The following CFHR3 variants were observed in gnomAD, a reference collection of about 807,000 sequenced individuals.
CFHR3 encodes complement factor H-related protein 3.
CFHR3 carries 22 observed loss-of-function variants against 36.0 expected under a neutral mutation model. The ratio of observed to expected loss-of-function variants is 0.61; its 90% CI spans 0.44 to 0.87. The LOEUF (loss-of-function observed/expected upper bound fraction) is 0.87. CFHR3 is among the 40% of genes least tolerant of loss of function. The pLI, the probability that CFHR3 is intolerant of heterozygous loss-of-function variation, is 0.00. For synonymous variants in CFHR3, 97 were observed against 137.4 expected (o/e 0.71, Z 2.06); for missense variants, 276 against 401.3 (o/e 0.69, Z 2.67).
At position 196,794,149 on chromosome 1, in the gene CFHR3, T is replaced by A. The variant is rs1286110175; in HGVS notation, c.*636T>A. ...CCAGAAGTGCATTAAATGTATATATTAACTTGGGCAATGTTGACACTTTAG... is the reference window on the plus strand; with the variant it reads ...CCAGAAGTGCATTAAATGTATATATAAACTTGGGCAATGTTGACACTTTAG... On this transcript the variant is annotated 3_prime_UTR_variant, in exon 6 of 6. Transcript: ENST00000367425. 1.4e-5 allele frequency: 2 copies of A among 145,992 alleles called. No homozygotes were observed. Among genetic ancestry groups the A allele is most frequent in the African/African-American group, 3.0e-5 (1 of 32,920 alleles). The allele number at this position is 145,992 out of a possible 1,614,324, so 9.0% of individuals were successfully genotyped here. A position where few individuals can be genotyped will look rare whatever the true frequency, so the allele number is the denominator to read the frequency against.
rs1654386484 is a variant in CFHR3, at chr1:196,790,588, C to A, written c.796+361C>A. 1.5e-5 allele frequency among the ~76,000 whole-genome samples: 2 copies of A among 135,130 alleles called. 1 individual carries two copies. Among genetic ancestry groups the A allele is most frequent in the South Asian group, 5.2e-4 (2 of 3,876 alleles). 88.7% of individuals were successfully genotyped at this position (135,130 alleles called of 152,430 possible). The stretch of plus-strand genomic sequence containing the variant: ...AAAATACAAAAATTAGCCAGGCATG[C>A]TGGCATATGCCTGTAATCCCAGCTA... On this transcript the variant is annotated intron_variant, in intron 5 of 5. Transcript: ENST00000367425.
At chr1:196,778,054 T>C (rs378940) in intron 1 of CFHR3, among the ~76,000 whole-genome samples, 39,609 of 131,362 alleles carry the variant, frequency 0.3, 11,628 homozygotes, top group East Asian at 0.53. Context: ...CCCTTTCTTC[T>C]TCAGACTAAA....
intron 3 of CFHR3, among the ~76,000 whole-genome samples, chr1:196,781,722 G>A (rs1488719960): frequency 7.5e-6 from 1 of 134,010 alleles, no homozygotes; most frequent in Non-Finnish European, 1.6e-5. Context: ...AGATGAGTAG[G>A]TTGCAAAAAT....
rs398771 is a variant in CFHR3 at position 196,793,127 on chromosome 1, T to C, written c.797-190T>C. On this transcript the variant is annotated intron_variant, in intron 5 of 5. Transcript: ENST00000367425. ...CCTCACCTGATGATCTCTGCTGTGATGTTGGGGAAGTGCAACTGAACTTAT... is the reference window on the plus strand; with the variant it reads ...CCTCACCTGATGATCTCTGCTGTGACGTTGGGGAAGTGCAACTGAACTTAT... 0.27 allele frequency among the ~76,000 whole-genome samples: 35,659 copies of C among 133,332 alleles called. 9,785 individuals carry two copies. Among genetic ancestry groups the C allele is most frequent in the East Asian group, 0.5 (2,535 of 5,032 alleles). 87.5% of individuals were successfully genotyped at this position (133,332 alleles called of 152,430 possible).
rs1489850330 is a variant in CFHR3, at chr1:196,775,084, G to A, written c.58+140G>A. On this transcript the variant is annotated intron_variant, in intron 1 of 5. Transcript: ENST00000367425. ...CTAGTAGAAGTGACATATTTTGTGA[G>A]AGTATAACAGAAATTAATTTTATAA... The A allele has an allele frequency of 1.0e-5, 7 of 686,906 alleles. 1 individual carries two copies. Among genetic ancestry groups the A allele is most frequent in the Admixed American group, 5.9e-5 (2 of 34,136 alleles). The allele number at this position is 686,906 out of a possible 1,614,324, so 42.6% of individuals were successfully genotyped here. A position where few individuals can be genotyped will look rare whatever the true frequency, so the allele number is the denominator to read the frequency against.
intron 1 of CFHR3, among the ~76,000 whole-genome samples, chr1:196,778,742 T>C (rs1558196316): frequency 7.3e-6 from 1 of 136,740 alleles, no homozygotes; most frequent in Non-Finnish European, 1.5e-5. Flanking sequence ...TTGTTTCTCT[T>C]TTCCAAAAAA....
rs1478732127 is a variant in CFHR3, at chr1:196,775,061, A to G, written c.58+117A>G. The stretch of plus-strand genomic sequence containing the variant: ...TCAAAGAGGATTTATTCACTATGCT[A>G]GTAGAAGTGACATATTTTGTGAGAG... On this transcript the variant is annotated intron_variant, in intron 1 of 5. Transcript: ENST00000367425. 1.0e-5 allele frequency: 9 copies of G among 873,488 alleles called. 1 individual carries two copies. The highest frequency in any genetic ancestry group is 1.6e-5 in the Non-Finnish European group (9 of 569,052). 54.1% of individuals were successfully genotyped at this position (873,488 alleles called of 1,614,324 possible). A position where few individuals can be genotyped will look rare whatever the true frequency, so the allele number is the denominator to read the frequency against.
rs1472255421 is a variant in CFHR3, at chr1:196,783,616, G to A, written c.430+3643G>A. On this transcript the variant is annotated intron_variant, in intron 3 of 5. Transcript: ENST00000367425. ...AGAGGTGTTTGTAGTATTCTCTGATGGTAGTTTGTATTTCTGTGGGATTGG... is the reference window on the plus strand; with the variant it reads ...AGAGGTGTTTGTAGTATTCTCTGATAGTAGTTTGTATTTCTGTGGGATTGG... 3.7e-5 allele frequency among the ~76,000 whole-genome samples: 5 copies of A among 133,476 alleles called. 1 individual carries two copies. Among genetic ancestry groups the A allele is most frequent in the Non-Finnish European group, 7.8e-5 (5 of 63,748 alleles). The allele number at this position is 133,476 out of a possible 152,430, so 87.6% of individuals were successfully genotyped here. A position where few individuals can be genotyped will look rare whatever the true frequency, so the allele number is the denominator to read the frequency against.
intron 3 of CFHR3, among the ~76,000 whole-genome samples, chr1:196,782,059 A>T (rs934445761): frequency 7.3e-6 from 1 of 137,428 alleles, no homozygotes; most frequent in African/African-American, 3.0e-5. Context: ...TTAAATAGGG[A>T]ATCCTTTCCC....
rs1362551500 is a variant in CFHR3, at chr1:196,792,260, G to A, written c.797-1057G>A. ...TTATTTAAGTAAGTACTTGAAAGAT[G>A]TATTAAAATATGATTGGGGAAATTT... is the stretch of plus-strand genomic sequence containing the variant. On this transcript the variant is annotated intron_variant, in intron 5 of 5. Coordinates refer to ENST00000367425, the MANE Select transcript of CFHR3 (RefSeq NM_021023.6). Among the ~76,000 whole-genome samples the A allele has an allele frequency of 4.5e-5, 5 of 111,350 alleles. 2 individuals are homozygous for A. Among genetic ancestry groups the A allele is most frequent in the Non-Finnish European group, 8.8e-5 (5 of 57,082 alleles). 73.0% of individuals were successfully genotyped at this position (111,350 alleles called of 152,430 possible).
intron 4 of CFHR3, 69 bp downstream of exon 4, chr1:196,788,467 T>C: frequency 1.3e-6 from 2 of 1,498,272 alleles, no homozygotes; most frequent in East Asian, 2.3e-5. Flanking sequence ...GATAGTGTTT[T>C]ACTTAAAAAT....
rs553361716 is a variant in CFHR3, at chr1:196,784,887, T to C, written c.431-3329T>C. ...ATTTTGCTTGTTAGTTGATGCAGTTTCTTCCTAGTCTCGATGGTCTTTACA... is the reference window on the plus strand; with the variant it reads ...ATTTTGCTTGTTAGTTGATGCAGTTCCTTCCTAGTCTCGATGGTCTTTACA... On this transcript the variant is annotated intron_variant, in intron 3 of 5. Coordinates refer to ENST00000367425, the MANE Select transcript of CFHR3 (RefSeq NM_021023.6). 1.2e-4 allele frequency among the ~76,000 whole-genome samples: 16 copies of C among 137,310 alleles called. 4 individuals carry two copies. The highest frequency in any genetic ancestry group is 7.7e-4 in the Admixed American group (11 of 14,264). 90.1% of individuals were successfully genotyped at this position (137,310 alleles called of 152,430 possible).
intron 3 of CFHR3, among the ~76,000 whole-genome samples, chr1:196,784,685 G>T (rs1654115129): frequency 7.4e-6 from 1 of 135,082 alleles, no homozygotes. Context: ...TTTATTTTGA[G>T]CCTATGTGTG....
At chr1:196,786,220 G>T (rs1167237728) in intron 3 of CFHR3, among the ~76,000 whole-genome samples, 1 of 136,196 alleles carries the variant, frequency 7.3e-6, no homozygotes, top group Non-Finnish European at 1.6e-5. Flanking sequence ...CTACTGGGTG[G>T]TGCCTCCCAG....
rs1189715837 is a variant in CFHR3, at chr1:196,794,402, G to A, written c.*889G>A. Among the ~76,000 whole-genome samples, 2 of 137,232 alleles carry A rather than the reference G, an allele frequency of 1.5e-5. 1 individual carries two copies. Among genetic ancestry groups the A allele is most frequent in the Non-Finnish European group, 3.1e-5 (2 of 64,580 alleles). The allele number at this position is 137,232 out of a possible 152,430, so 90.0% of individuals were successfully genotyped here. On this transcript the variant is annotated 3_prime_UTR_variant, in exon 6 of 6. Transcript: ENST00000367425. ...CACTTTAACCAGTGGGGCAGAGGTT[G>A]AACTGAGCCAAGATAGTGCCACTGC...
Position 196,774,904 on chromosome 1 carries a change from T to A in CFHR3, c.18T>A (p.Asn6Lys). The change falls in exon 1 of 6, where the codon AAT (asparagine) becomes AAA (lysine). Residue 6 changes from asparagine to lysine, a missense_variant. By Grantham distance (94) the Asn-to-Lys change is moderately conservative. Transcript: ENST00000367425. MLLLI[N>K]VILTLWVSCA... ...TATCTAACATGTTGTTACTAATCAATGTCATTCTGACCTTGTGGGTTTCCT... is the reference window on the plus strand; with the variant it reads ...TATCTAACATGTTGTTACTAATCAAAGTCATTCTGACCTTGTGGGTTTCCT... 1 of 1,529,572 alleles carries A rather than the reference T, an allele frequency of 6.5e-7. No homozygotes were observed. Among genetic ancestry groups the A allele is most frequent in the Non-Finnish European group, 8.8e-7 (1 of 1,130,430 alleles). 94.8% of individuals were successfully genotyped at this position (1,529,572 alleles called of 1,614,324 possible).
intron 3 of CFHR3, among the ~76,000 whole-genome samples, chr1:196,782,186 T>G (rs1196611000): frequency 1.5e-5 from 2 of 137,410 alleles, no homozygotes; most frequent in Non-Finnish European, 3.1e-5. Flanking sequence ...AGCAGTACCA[T>G]GCTGTTTTGG....
At chr1:196,789,091 A>T in intron 4 of CFHR3, 1 of 1,088,818 alleles carries the variant, frequency 9.2e-7, no homozygotes. Context: ...GCAAAAGTTG[A>T]TTTTTTTTCT....
chr1:196,776,431 G>A (rs1346901697), intron 1 of CFHR3, among the ~76,000 whole-genome samples: 1 of 137,626 alleles, frequency 7.3e-6, no homozygotes, highest in African/African-American at 3.0e-5. Flanking sequence ...AAATTCATTT[G>A]TTAAAGTCCA....
Sources: allele counts gnomAD v4.1 joint callset (sites outside exome capture counted in the v4.1 genomes callset), GRCh38; gene constraint gnomAD v4.1.1; transcripts MANE v1.5; gene names NCBI Gene and HGNC (gene_info 2026-07-23, HGNC 2026-07-21).